The following PRDX5 variants were observed in gnomAD, a reference collection of about 807,000 sequenced individuals.
The protein encoded by PRDX5 is peroxiredoxin 5, also known as peroxiredoxin-5, mitochondrial.
In PRDX5, 21 loss-of-function variants were observed where a neutral mutation model predicts 23.8. The observed-to-expected ratio is 0.88, with a 90% CI of 0.63 to 1.27. The LOEUF (loss-of-function observed/expected upper bound fraction) is 1.27, where lower values mean the gene tolerates loss of function less well. PRDX5 is among the 50% of genes most tolerant of loss of function. PRDX5 has a pLI of 0.00. For synonymous variants in PRDX5, 111 were observed against 113.3 expected (o/e 0.98, Z 0.13); for missense variants, 261 against 270.6 (o/e 0.96, Z 0.25).
intron 5 of PRDX5, 145 bp downstream of exon 5, chr11:64,321,213 A>G: frequency 3.1e-6 from 3 of 977,062 alleles, no homozygotes; most frequent in South Asian, 2.9e-5. Flanking sequence ...CTGTGGGGAG[A>G]GTCCTGTGTG....
chr11:64,319,376 T>G (rs987545837), intron 1 of PRDX5, among the ~76,000 whole-genome samples: 2 of 152,120 alleles, frequency 1.3e-5, no homozygotes, highest in African/African-American at 4.8e-5. Flanking sequence ...TGTCAGGGAC[T>G]CCTCCTCACC....
chr11:64,319,976 C>T, intron 2 of PRDX5, 108 bp downstream of exon 2: 1 of 1,458,624 alleles, frequency 6.9e-7, no homozygotes, highest in Non-Finnish European at 9.2e-7. Flanking sequence ...AGTGCCATCA[C>T]AAAACAAGTA....
chr11:64,320,142 T>C (rs1172323223), intron 2 of PRDX5, among the ~76,000 whole-genome samples: 3 of 152,050 alleles, frequency 2.0e-5, no homozygotes, highest in Admixed American at 2.0e-4. Flanking sequence ...CAGCCGGACA[T>C]GGTGGCGGGC....
intron 1 of PRDX5, among the ~76,000 whole-genome samples, chr11:64,318,667 C>T (rs2031022670): frequency 6.6e-6 from 1 of 152,112 alleles, no homozygotes; most frequent in South Asian, 2.1e-4. Flanking sequence ...GTGACGCAAT[C>T]TCTGCTCACT....
At chr11:64,320,831 G>A (rs374601147) in intron 3 of PRDX5, 34 bp from the exon 4 acceptor site, 2 of 1,614,216 alleles carry the variant, frequency 1.2e-6, no homozygotes, top group African/African-American at 1.3e-5. Flanking sequence ...GACCAGGTAG[G>A]ATATTCTTCT....
Position 64,321,568 on chromosome 11 carries a change from G to A in PRDX5, c.540-18G>A. 6.2e-7 allele frequency: 1 copy of A among 1,610,784 alleles called. No individual in the cohort carries two copies. The highest frequency in any genetic ancestry group is 8.5e-7 in the Non-Finnish European group (1 of 1,177,958). ...AAGCCCAGGCTGATGCAGCTGGCTGGGCCCCTCTTTCCGGCAGGTTCTCCA... is the reference window on the plus strand; with the variant it reads ...AAGCCCAGGCTGATGCAGCTGGCTGAGCCCCTCTTTCCGGCAGGTTCTCCA... On this transcript the variant is annotated intron_variant, in intron 5 of 5. Coordinates refer to ENST00000265462, the MANE Select transcript of PRDX5 (RefSeq NM_012094.5).
intron 5 of PRDX5, 116 bp from the exon 6 acceptor site, chr11:64,321,470 C>T (rs1358513465): frequency 6.6e-7 from 1 of 1,512,296 alleles, no homozygotes; most frequent in Non-Finnish European, 8.9e-7. Flanking sequence ...GGAGAGTCCT[C>T]TGTGGGGGGA....
chr11:64,319,904 G>A, intron 2 of PRDX5, 36 bp downstream of exon 2: 1 of 1,609,286 alleles, frequency 6.2e-7, no homozygotes, highest in African/African-American at 1.3e-5. Flanking sequence ...CAGGACCTGG[G>A]ATCTTTTGTG....
chr11:64,320,997 CTCT>C lies in PRDX5; in HGVS notation c.478-5_478-3del, dbSNP rs745883107. Reference sequence around the variant, plus strand: ...AAGGATTTCTGACACTTTTCTCTGTCTCTTCTTAGGAGACAGACTTATTACTAG... The same window carrying C: ...AAGGATTTCTGACACTTTTCTCTGTCTCTTAGGAGACAGACTTATTACTAG... On this transcript the variant is annotated splice_region_variant and splice_polypyrimidine_tract_variant and intron_variant, in intron 4 of 5. Coordinates refer to ENST00000265462, the MANE Select transcript of PRDX5 (RefSeq NM_012094.5). 1.2e-6 allele frequency: 2 copies of C among 1,614,102 alleles called. No individual in the cohort carries two copies. The highest frequency in any genetic ancestry group is 2.2e-5 in the East Asian group (1 of 44,884).
At chr11:64,320,375 C>T (rs186475542) in intron 2 of PRDX5, among the ~76,000 whole-genome samples, 43 of 152,016 alleles carry the variant, frequency 2.8e-4, no homozygotes, top group Admixed American at 2.0e-3. Flanking sequence ...AAATCCAACA[C>T]CCCTGTTGGT....
At chr11:64,320,250 G>T (rs1027326616) in intron 2 of PRDX5, among the ~76,000 whole-genome samples, 2 of 151,432 alleles carry the variant, frequency 1.3e-5, no homozygotes, top group African/African-American at 4.9e-5. Flanking sequence ...CTGCAGTCCA[G>T]CCTGGGTGAA....
intron 2 of PRDX5, among the ~76,000 whole-genome samples, 156 bp from the exon 3 acceptor site, chr11:64,320,505 G>A (rs1034976267): frequency 1.3e-5 from 2 of 152,240 alleles, no homozygotes; most frequent in African/African-American, 4.8e-5. Context: ...GAGCTTCCTA[G>A]TGGCCAAGGC....
At chr11:64,320,412 G>A (rs1281961315) in intron 2 of PRDX5, among the ~76,000 whole-genome samples, 1 of 152,222 alleles carries the variant, frequency 6.6e-6, no homozygotes, top group Non-Finnish European at 1.5e-5. Context: ...CACTGTGGAA[G>A]GTGCTTGGGA....
At position 64,318,158 on chromosome 11, in the gene PRDX5, C is replaced by G; in HGVS notation, c.-58C>G. The G allele has an allele frequency of 1.2e-6, 2 of 1,602,630 alleles. No homozygotes were observed. Among genetic ancestry groups the G allele is most frequent in the Non-Finnish European group, 8.5e-7 (1 of 1,175,774 alleles). On this transcript the variant is annotated 5_prime_UTR_variant, in exon 1 of 6. Transcript: ENST00000265462. ...GTCGCCGCTGTGCCGCTAGCGGTGC[C>G]CCGCCTGCTGCGGTGGCACCAGCCA...
Position 64,318,121 on chromosome 11 carries a change from C to T in PRDX5, c.-95C>T, listed in dbSNP as rs1011956005. The T allele has an allele frequency of 5.8e-6, 9 of 1,541,988 alleles. No homozygotes were observed. The highest frequency in any genetic ancestry group is 1.4e-5 in the African/African-American group (1 of 72,574). On this transcript the variant is annotated 5_prime_UTR_variant, in exon 1 of 6. Transcript: ENST00000265462. ...CGCAGTGGAGGCGGCCCAGGCCCGCCTTCCGCAGGGTGTCGCCGCTGTGCC... is the reference window on the plus strand; with the variant it reads ...CGCAGTGGAGGCGGCCCAGGCCCGCTTTCCGCAGGGTGTCGCCGCTGTGCC...
chr11:64,320,472 C>T (rs2035464605), intron 2 of PRDX5, among the ~76,000 whole-genome samples, 189 bp from the exon 3 acceptor site: 1 of 152,162 alleles, frequency 6.6e-6, no homozygotes, highest in South Asian at 2.1e-4. Context: ...ACGTCTGGAC[C>T]ATAAGGCATT....
Position 64,320,674 on chromosome 11 carries a change from G to A in PRDX5, c.320G>A (p.Gly107Glu), listed in dbSNP as rs775658318. 3 of 1,602,804 alleles carry A rather than the reference G, an allele frequency of 1.9e-6. No homozygotes were observed. In the South Asian group the frequency reaches 3.3e-5, roughly 18 times the overall value. ...CCCCTTCCTCAGACACACCTGCCAG[G>A]GTTTGTGGAGCAGGCTGAGGCTCTG... The part of the protein sequence containing the change: ...TPGCSKTHLP[G>E]FVEQAEALKA... Residue 107 changes from glycine (G) to glutamate (E), a missense_variant, in exon 3 of 6, where the codon GGG (glycine) becomes GAG (glutamate). Physicochemically the swap from Gly to Glu is moderately conservative, Grantham distance 98. Coordinates refer to ENST00000265462, the MANE Select transcript of PRDX5 (RefSeq NM_012094.5).
In PRDX5 at chr11:64,318,553, A is replaced by G. The variant is rs377668581; in HGVS notation, c.171+167A>G. On this transcript the variant is annotated intron_variant, in intron 1 of 5. Transcript: ENST00000265462. ...TCGTGGCTGCCCACCTTTCTCGCCA[A>G]TCGTGGGGGCCTCACCTCCCGGGAC... Among the ~76,000 whole-genome samples the G allele has an allele frequency of 2.2e-3, 333 of 151,446 alleles. 1 individual carries two copies. Among genetic ancestry groups the G allele is most frequent in the Non-Finnish European group, 3.1e-3 (208 of 67,854 alleles).
In PRDX5 at chr11:64,318,238, C is replaced by T. The variant is rs368539290; in HGVS notation, c.23C>T (p.Ala8Val). Residue 8 changes from alanine to valine, a missense_variant, in exon 1 of 6, where the codon GCC (alanine) becomes GTC (valine). By Grantham distance (64) the Ala-to-Val change is moderately conservative. Transcript: ENST00000265462. The part of the protein sequence containing the change: MGLAGVC[A>V]LRRSAGYILV... ...GGTATGGGACTAGCTGGCGTGTGCG[C>T]CCTGAGACGCTCAGCGGGCTATATA... 1.5e-5 allele frequency: 24 copies of T among 1,611,842 alleles called. No homozygotes were observed. The highest frequency in any genetic ancestry group is 8.0e-5 in the African/African-American group (6 of 74,868).
Sources: gnomAD v4.1 joint callset for allele counts (sites outside exome capture counted in the v4.1 genomes callset) on GRCh38, gnomAD v4.1.1 for gene constraint, MANE v1.5 for transcripts, NCBI Gene and HGNC (gene_info 2026-07-23, HGNC 2026-07-21) for gene names.